Variants in CREB5 observed in about 807,000 individuals in gnomAD.
CREB5 encodes the protein cAMP responsive element binding protein 5, also known as cyclic AMP-responsive element-binding protein 5.
CREB5 carries 19 observed loss-of-function variants against 57.1 expected under a neutral mutation model. That is an observed-to-expected ratio of 0.33 (90% CI 0.23 to 0.49). CREB5 has a LOEUF of 0.49. Ranked by LOEUF, CREB5 falls within the 20% of genes least tolerant of loss-of-function variation. The pLI, the probability that CREB5 is intolerant of heterozygous loss-of-function variation, is 0.99. For synonymous variants in CREB5, 238 were observed against 238.3 expected (o/e 1.00, Z 0.01); for missense variants, 579 against 671.6 (o/e 0.86, Z 1.52).
chr7:28,421,835 C>T (rs42730), intron 1 of CREB5, among the ~76,000 whole-genome samples: 551 of 5,870 alleles, frequency 0.094, 3 homozygotes, highest in African/African-American at 0.14. Flanking sequence ...TATATATATA[C>T]ACACACACAC....
At chr7:28,478,882 C>G (rs1039872222) in intron 1 of CREB5, among the ~76,000 whole-genome samples, 3 of 152,224 alleles carry the variant, frequency 2.0e-5, no homozygotes, top group African/African-American at 7.2e-5. Context: ...TATGCTTATG[C>G]TTAGCTTAAA....
chr7:28,600,339 C>T (rs1042978772), intron 5 of CREB5, among the ~76,000 whole-genome samples: 3 of 150,780 alleles, frequency 2.0e-5, no homozygotes, highest in South Asian at 2.1e-4. Flanking sequence ...AACTCGCAGG[C>T]GCAAGACCTA....
chr7:28,781,305 C>T (rs35159971), intron 7 of CREB5, among the ~76,000 whole-genome samples: 41,941 of 152,072 alleles, frequency 0.28, 6,598 homozygotes, highest in South Asian at 0.41. Context: ...ACCTGATTTA[C>T]TTGGAAATTA....
Position 28,535,422 on chromosome 7 carries a change from CAGGGAAGGAAGG to C in CREB5, c.291+27688_291+27699del, listed in dbSNP as rs1454150304. Among the ~76,000 whole-genome samples the C allele has an allele frequency of 3.7e-5, 5 of 136,208 alleles. 1 individual carries two copies. The highest frequency in any genetic ancestry group is 1.1e-4 in the African/African-American group (4 of 36,836). The allele number at this position is 136,208 out of a possible 152,430, so 89.4% of individuals were successfully genotyped here. ...GGAAAGAAGGAAGAAGAGAGGGAGG[CAGGGAAGGAAGG>C]AGAGAAGGAAGGAAAAAATGGGAGT... On this transcript the variant is annotated intron_variant, in intron 4 of 10. Coordinates refer to ENST00000357727, the MANE Select transcript of CREB5 (RefSeq NM_182898.4).
At chr7:28,353,686 A>G (rs938155453) in intron 1 of CREB5, among the ~76,000 whole-genome samples, 3 of 152,026 alleles carry the variant, frequency 2.0e-5, no homozygotes, top group African/African-American at 4.8e-5. Flanking sequence ...TACTAAAAAT[A>G]CAAAAAATTA....
At chr7:28,626,456 T>C (rs926071304) in intron 5 of CREB5, among the ~76,000 whole-genome samples, 10 of 152,162 alleles carry the variant, frequency 6.6e-5, no homozygotes, top group Non-Finnish European at 1.3e-4. Flanking sequence ...ACTATCCCCA[T>C]TTTACAAACA....
chr7:28,769,438 A>G (rs1199393537), intron 7 of CREB5, among the ~76,000 whole-genome samples: 2 of 152,268 alleles, frequency 1.3e-5, no homozygotes, highest in Non-Finnish European at 2.9e-5. Flanking sequence ...ATATATTGAC[A>G]TGTTACATAT....
intron 4 of CREB5, among the ~76,000 whole-genome samples, chr7:28,560,941 C>CAT (rs1795201549): frequency 6.7e-5 from 3 of 44,658 alleles, no homozygotes; most frequent in Admixed American, 6.7e-4. Context: ...TGTGTGCGTG[C>CAT]GTGTGTGTGC....
chr7:28,735,508 A>C (rs958277417), intron 7 of CREB5, among the ~76,000 whole-genome samples: 7 of 152,162 alleles, frequency 4.6e-5, no homozygotes, highest in Non-Finnish European at 8.8e-5. Context: ...TATCATTATC[A>C]TTGGGTGGGT....
At position 28,404,361 on chromosome 7, in the gene CREB5, C is replaced by T. The variant is rs149105612; in HGVS notation, c.-24-90545C>T. ...AGAAAGTTCTGGTTTGAAAGGAAAG[C>T]GTGACCTCTCAGGGCTGTCAGCCTC... On this transcript the variant is annotated intron_variant, in intron 1 of 9. Coordinates refer to the CREB5 transcript ENST00000396299. Among the ~76,000 whole-genome samples the T allele has an allele frequency of 1.2e-3, 182 of 152,228 alleles. 1 individual carries two copies. Among genetic ancestry groups the T allele is most frequent in the African/African-American group, 3.9e-3 (163 of 41,538 alleles).
chr7:28,801,611 A>G (rs1249581498), intron 7 of CREB5, among the ~76,000 whole-genome samples: 1 of 152,170 alleles, frequency 6.6e-6, no homozygotes, highest in African/African-American at 2.4e-5. Context: ...ATCTCTCCAT[A>G]TACATATATA....
intron 7 of CREB5, among the ~76,000 whole-genome samples, chr7:28,770,093 A>G (rs972029879): frequency 6.6e-6 from 1 of 152,240 alleles, no homozygotes; most frequent in African/African-American, 2.4e-5. Context: ...CAACAGCCGC[A>G]TTCCTGTCTC....
At chr7:28,505,778 G>C (rs370938710) in intron 3 of CREB5, among the ~76,000 whole-genome samples, 1 of 152,126 alleles carries the variant, frequency 6.6e-6, no homozygotes, top group African/African-American at 2.4e-5. Flanking sequence ...AGAATCATGC[G>C]AGATCTAGAT....
At chr7:28,575,236 C>T (rs1007974070) in intron 5 of CREB5, among the ~76,000 whole-genome samples, 29 of 152,286 alleles carry the variant, frequency 1.9e-4, no homozygotes, top group Middle Eastern at 3.4e-3. Flanking sequence ...AGCAATGCTA[C>T]GAGTCATGTG....
At chr7:28,702,753 C>T (rs943894199) in intron 5 of CREB5, among the ~76,000 whole-genome samples, 2 of 152,242 alleles carry the variant, frequency 1.3e-5, no homozygotes, top group African/African-American at 4.8e-5. Flanking sequence ...ACCACAGGGG[C>T]CTATGTGACC....
chr7:28,555,194 TA>T (rs1167764040), intron 4 of CREB5, among the ~76,000 whole-genome samples: 8 of 151,712 alleles, frequency 5.3e-5, no homozygotes, highest in African/African-American at 1.9e-4. Flanking sequence ...GCAAGGATGT[TA>T]GAATAAATGG....
chr7:28,325,209 C>A (rs963459387), intron 1 of CREB5, among the ~76,000 whole-genome samples: 4 of 152,190 alleles, frequency 2.6e-5, no homozygotes, highest in African/African-American at 9.7e-5. Context: ...ATAATCCCAG[C>A]ACTTTGGGAG....
At chr7:28,737,539 GTATATATATATATATA>G (rs59294932) in intron 7 of CREB5, among the ~76,000 whole-genome samples, 304 of 26,652 alleles carry the variant, frequency 0.011, 4 homozygotes, top group Middle Eastern at 0.031. Context: ...ATATATATAC[GTATATATATATATATA>G]TATATATATA....
At chr7:28,416,716 C>A (rs543662504) in intron 1 of CREB5, among the ~76,000 whole-genome samples, 1 of 152,174 alleles carries the variant, frequency 6.6e-6, no homozygotes, top group African/African-American at 2.4e-5. Context: ...ACTGTCAGAA[C>A]GCTGGGGGCC....
Sources: allele counts gnomAD v4.1 joint callset (sites outside exome capture counted in the v4.1 genomes callset), GRCh38; gene constraint gnomAD v4.1.1; transcripts MANE v1.5; gene names NCBI Gene and HGNC (gene_info 2026-07-23, HGNC 2026-07-21).